ZNF346: variants seen among roughly 807,000 people sequenced by gnomAD.
ZNF346 encodes zinc finger protein 346, also known as double-stranded RNA-binding zinc finger protein JAZ.
ZNF346 carries 23 observed loss-of-function variants against 33.7 expected under a neutral mutation model. That is an observed-to-expected ratio of 0.68 (90% confidence interval 0.49 to 0.97). The LOEUF (loss-of-function observed/expected upper bound fraction) is 0.97. Among genes scored for constraint, ZNF346 ranks in the 50% least tolerant of loss-of-function variants. The probability of loss-of-function intolerance (pLI) is 0.00; values close to 1 mark genes in which losing one functional copy is unlikely to be tolerated. For missense variants in ZNF346, 340 were observed against 371.1 expected (o/e 0.92, Z 0.69); for synonymous variants, 134 against 142.4 (o/e 0.94, Z 0.42).
At position 177,065,220 on chromosome 5, in the gene ZNF346, G is replaced by C. The variant is rs765710814; in HGVS notation, c.*621G>C. On this transcript the variant is annotated 3_prime_UTR_variant, in exon 7 of 7. Transcript: ENST00000358149. ...TTGGCGGAGCATTGCTACCCCCGCT[G>C]CCCCCTCCACAGTTCCTGAATGGTG... 6.5e-6 allele frequency: 1 copy of C among 153,640 alleles called. No homozygotes were observed. The highest frequency in any genetic ancestry group is 1.5e-5 in the Non-Finnish European group (1 of 68,902). 9.5% of individuals were successfully genotyped at this position (153,640 alleles called of 1,614,324 possible).
At chr5:177,028,966 T>G (rs1310464756) in intron 1 of ZNF346, among the ~76,000 whole-genome samples, 1 of 151,684 alleles carries the variant, frequency 6.6e-6, no homozygotes, top group Non-Finnish European at 1.5e-5. Flanking sequence ...TAATCTGCCC[T>G]CCTCGGCCTC....
chr5:177,074,912 A>G lies in ZNF346; in HGVS notation c.*3-4470A>G, dbSNP rs193068821. Among the ~76,000 whole-genome samples, 222 of 151,584 alleles carry G rather than the reference A, an allele frequency of 1.5e-3. 2 individuals are homozygous for G. Among genetic ancestry groups the G allele is most frequent in the African/African-American group, 5.0e-3 (208 of 41,278 alleles). ...GAAACCCGTCTCTACTAAAAATACA[A>G]AAATTTAGCCGGGCATGGTGGTGGG... On this transcript the variant is annotated intron_variant, in intron 8 of 8. Coordinates refer to the ZNF346 transcript ENST00000503039.
At chr5:177,029,316 AGT>A (rs1407873911) in intron 1 of ZNF346, among the ~76,000 whole-genome samples, 3 of 152,208 alleles carry the variant, frequency 2.0e-5, no homozygotes, top group Admixed American at 6.5e-5. Context: ...ATGTGCTGGA[AGT>A]GTGGCACACC....
chr5:177,053,397 T>C (rs1464746868), intron 5 of ZNF346, among the ~76,000 whole-genome samples: 3 of 151,082 alleles, frequency 2.0e-5, no homozygotes, highest in Non-Finnish European at 4.4e-5. Flanking sequence ...GTCATCCTTC[T>C]ACCTTGGCCG....
intron 4 of ZNF346, among the ~76,000 whole-genome samples, chr5:177,048,400 T>A (rs1202682874): frequency 6.6e-6 from 1 of 152,158 alleles, no homozygotes; most frequent in Non-Finnish European, 1.5e-5. Context: ...GGCGGGTGGA[T>A]CACCTGAGGT....
At chr5:177,069,430 G>A (rs1783397196), downstream of ZNF346, among the ~76,000 whole-genome samples, 1 of 146,860 alleles carries the variant, frequency 6.8e-6, no homozygotes, top group African/African-American at 2.6e-5. Context: ...TCCAGCCTAG[G>A]TGACGTAGTA....
intron 4 of ZNF346, among the ~76,000 whole-genome samples, chr5:177,045,607 C>T (rs548079632): frequency 5.3e-5 from 8 of 152,200 alleles, no homozygotes; most frequent in East Asian, 3.9e-4. Flanking sequence ...CCACCTGCCT[C>T]GGCCTCCCAA....
rs138091301 is a variant in ZNF346 at position 177,067,443 on chromosome 5, A to G, written c.*2844A>G. On this transcript the variant is annotated 3_prime_UTR_variant, in exon 7 of 7. Transcript: ENST00000358149. Reference sequence around the variant, plus strand: ...CCCCAAGGGAGGTTCTCAGCTTCCCATGATCAGACTGCCTCAGCAATTCCC... The same window carrying G: ...CCCCAAGGGAGGTTCTCAGCTTCCCGTGATCAGACTGCCTCAGCAATTCCC... Among the ~76,000 whole-genome samples, 770 of 152,262 alleles carry G rather than the reference A, an allele frequency of 5.1e-3. 1 individual carries two copies. The highest frequency in any genetic ancestry group is 8.2e-3 in the Non-Finnish European group (558 of 68,020).
At chr5:177,075,139 G>A (rs1229815736) in intron 8 of ZNF346, among the ~76,000 whole-genome samples, 5 of 150,750 alleles carry the variant, frequency 3.3e-5, no homozygotes, top group East Asian at 4.0e-4. Flanking sequence ...GGTGGCTCAC[G>A]CCTGTAATCC....
At chr5:177,062,019 T>C in intron 5 of ZNF346, 39 bp from the exon 6 acceptor site, 1 of 1,576,012 alleles carries the variant, frequency 6.3e-7, no homozygotes, top group Non-Finnish European at 8.7e-7. Flanking sequence ...AGGTTCCTTC[T>C]TTCTGGATTA....
chr5:177,073,186 C>T (rs967280735), intron 8 of ZNF346, among the ~76,000 whole-genome samples: 2 of 152,216 alleles, frequency 1.3e-5, no homozygotes, highest in Non-Finnish European at 2.9e-5. Flanking sequence ...TGGTCCCTAG[C>T]ATAGGACTGT....
chr5:177,069,019 C>T (rs1172038700), downstream of ZNF346, among the ~76,000 whole-genome samples: 1 of 143,174 alleles, frequency 7.0e-6, no homozygotes, highest in Non-Finnish European at 1.5e-5. Context: ...TAGTCAGTAT[C>T]CCCCAGAAGC....
intron 8 of ZNF346, among the ~76,000 whole-genome samples, chr5:177,075,053 A>G (rs1757690814): frequency 6.7e-6 from 1 of 149,876 alleles, no homozygotes; most frequent in African/African-American, 2.5e-5. Context: ...GCGACAGAGC[A>G]AGACTCCCTC....
chr5:177,051,622 T>G (rs994390822), intron 5 of ZNF346: 1 of 152,130 alleles, frequency 6.6e-6, no homozygotes, highest in African/African-American at 2.4e-5. Context: ...CACTGCAGCC[T>G]CCACCTCCTG....
chr5:177,064,229 C>G (rs1581965429), intron 6 of ZNF346, among the ~76,000 whole-genome samples: 1 of 152,206 alleles, frequency 6.6e-6, no homozygotes, highest in African/African-American at 2.4e-5. Flanking sequence ...CAGTCCTGAA[C>G]CTACCACCTA....
At chr5:177,042,073 A>G (rs1298721689) in intron 3 of ZNF346, 3 of 468,550 alleles carry the variant, frequency 6.4e-6, no homozygotes, top group Non-Finnish European at 1.2e-5. Context: ...GATTTTTTAG[A>G]ACTAAAATTG....
rs562990279 is a variant in ZNF346 at position 177,041,929 on chromosome 5, G to A, written c.372+59G>A. 6 of 1,186,940 alleles carry A rather than the reference G, an allele frequency of 5.1e-6. 1 individual carries two copies. In the South Asian group the frequency reaches 6.4e-5, roughly 13 times the overall value. 73.5% of individuals were successfully genotyped at this position (1,186,940 alleles called of 1,614,324 possible). On this transcript the variant is annotated intron_variant, in intron 3 of 6. Coordinates refer to ENST00000358149, the MANE Select transcript of ZNF346 (RefSeq NM_012279.4). ...CATGATGAAGCCAGCCAGCAGGTTGGTGTGGTGAACAAGTCAGACTGTCTT... is the reference window on the plus strand; with the variant it reads ...CATGATGAAGCCAGCCAGCAGGTTGATGTGGTGAACAAGTCAGACTGTCTT...
At chr5:177,052,031 G>A (rs1177393205) in intron 5 of ZNF346, 1 of 152,062 alleles carries the variant, frequency 6.6e-6, no homozygotes, top group African/African-American at 2.4e-5. Flanking sequence ...TGGGCATGTG[G>A]CGCATGTCTG....
chr5:177,024,644 C>T (rs1776510658), intron 1 of ZNF346, among the ~76,000 whole-genome samples: 1 of 152,204 alleles, frequency 6.6e-6, no homozygotes, highest in Admixed American at 6.5e-5. Context: ...CTGCCCTTGC[C>T]CTGGAAAGGC....
Sources: gnomAD v4.1 joint callset for allele counts (sites outside exome capture counted in the v4.1 genomes callset) on GRCh38, gnomAD v4.1.1 for gene constraint, MANE v1.5 for transcripts, NCBI Gene and HGNC (gene_info 2026-07-23, HGNC 2026-07-21) for gene names.